Variants in GJA8 observed in about 807,000 individuals in gnomAD.
The protein encoded by GJA8 is gap junction alpha-8 protein.
A neutral mutation model predicts 15.3 loss-of-function variants in GJA8; 13 were observed. The observed-to-expected ratio is 0.85, with a 90% confidence interval of 0.55 to 1.35. GJA8 has a LOEUF of 1.35. Among genes scored for constraint, GJA8 ranks in the 40% most tolerant of loss-of-function variants. GJA8 has a pLI of 0.00. For synonymous variants in GJA8, 304 were observed against 238.7 expected (o/e 1.27, Z -2.52); for missense variants, 607 against 553.3 (o/e 1.10, Z -0.97).
In GJA8 at chr1:147,909,193, C is replaced by T. The variant is rs1450321503; in HGVS notation, c.1238C>T (p.Ala413Val). ...TGTCCAGAGCTGACAACAGATGATG[C>T]CAGACCCCTGAGCAGGCTAAGCAAA... Reference protein sequence around the residue: ...SLCPELTTDDARPLSRLSKAS... With the variant: ...SLCPELTTDDVRPLSRLSKAS... Residue 413 changes from alanine to valine, a missense_variant, in exon 2 of 2, where the codon GCC becomes GTC. Physicochemically the swap from Ala to Val is moderately conservative, Grantham distance 64. Coordinates refer to ENST00000369235, the MANE Select transcript of GJA8 (RefSeq NM_005267.5). 3 of 1,613,440 alleles carry T rather than the reference C, an allele frequency of 1.9e-6. No homozygotes were observed. The highest frequency in any genetic ancestry group is 1.1e-5 in the South Asian group (1 of 91,058).
chr1:147,903,318 G>C (rs782410925), intron 1 of GJA8, among the ~76,000 whole-genome samples: 2 of 152,300 alleles, frequency 1.3e-5, no homozygotes, highest in South Asian at 4.1e-4. Context: ...GCATTTAATG[G>C]AGCACAGGAA....
At chr1:147,903,508 G>A (rs1553241882) in intron 1 of GJA8, among the ~76,000 whole-genome samples, 1 of 152,182 alleles carries the variant, frequency 6.6e-6, no homozygotes, top group Non-Finnish European at 1.5e-5. Context: ...ATGTATATGT[G>A]TTATTCTGCC....
chr1:147,912,596 A>G (rs1652207823), downstream of GJA8, among the ~76,000 whole-genome samples: 1 of 152,164 alleles, frequency 6.6e-6, no homozygotes, highest in African/African-American at 2.4e-5. Context: ...AATAATTATG[A>G]CTGAGTCAGG....
At chr1:147,904,254 C>T (rs1651708855) in intron 1 of GJA8, among the ~76,000 whole-genome samples, 3 of 152,012 alleles carry the variant, frequency 2.0e-5, no homozygotes, top group Admixed American at 2.0e-4. Flanking sequence ...TTTTTATGTC[C>T]TTGTTTGGCA....
chr1:147,908,892 TC>T lies in GJA8; in HGVS notation c.940del (p.Arg314GlyfsTer43). On this transcript the variant is annotated frameshift_variant, in exon 2 of 2. Coordinates refer to ENST00000369235, the MANE Select transcript of GJA8 (RefSeq NM_005267.5). LOFTEE classifies it low-confidence loss of function (END_TRUNC). ...CAGCACAGGACCCCTGGGGGACTTG[TC>T]CCGGGGCTACCAAGAGACACTGCCT... The part of the protein sequence containing the change: ...KISTGPLGDL[S>X]RGYQETLPSY... The T allele has an allele frequency of 6.2e-7, 1 of 1,613,884 alleles. No individual in the cohort carries two copies. The highest frequency in any genetic ancestry group is 8.5e-7 in the Non-Finnish European group (1 of 1,179,836).
At chr1:147,906,280 A>G (rs2149014312) in intron 1 of GJA8, among the ~76,000 whole-genome samples, 1 of 152,302 alleles carries the variant, frequency 6.6e-6, no homozygotes, top group Non-Finnish European at 1.5e-5. Context: ...ATAACTCTAG[A>G]GATGTTCAAG....
chr1:147,905,968 T>C (rs1407670412), intron 1 of GJA8, among the ~76,000 whole-genome samples: 1 of 152,220 alleles, frequency 6.6e-6, no homozygotes, highest in Non-Finnish European at 1.5e-5. Flanking sequence ...GGAGGAGCAC[T>C]CTCTGCTCTC....
chr1:147,913,112 C>G (rs75741309), downstream of GJA8, among the ~76,000 whole-genome samples: 2,362 of 152,156 alleles, frequency 0.016, 55 homozygotes, highest in East Asian at 0.054. Context: ...ATGCCACTTA[C>G]CTGCTCTATG....
In GJA8 at chr1:147,908,434, T is replaced by G; in HGVS notation, c.479T>G (p.Leu160Arg). Reference protein sequence around the residue: ...TYICHIIFKTLFEVGFIVGHY... With the variant: ...TYICHIIFKTRFEVGFIVGHY... ...ATCTGCCACATCATCTTCAAGACCC[T>G]CTTTGAAGTGGGCTTCATCGTGGGC... The change falls in exon 2 of 2, where the codon CTC (leucine) becomes CGC (arginine). Residue 160 changes from leucine (L) to arginine (R), a missense_variant. Physicochemically the swap from Leu to Arg is moderately radical, Grantham distance 102. Coordinates refer to ENST00000369235, the MANE Select transcript of GJA8 (RefSeq NM_005267.5). 1 of 1,614,098 alleles carries G rather than the reference T, an allele frequency of 6.2e-7. No homozygotes were observed. Among genetic ancestry groups the G allele is most frequent in the Non-Finnish European group, 8.5e-7 (1 of 1,179,982 alleles).
chr1:147,914,468 A>G, the GJA8 span, among the ~76,000 whole-genome samples: 1 of 152,290 alleles, frequency 6.6e-6, no homozygotes, highest in Admixed American at 6.5e-5. Flanking sequence ...AAAGCAAATA[A>G]AATTAACTTG....
chr1:147,911,838 G>A (rs142861172), downstream of GJA8, among the ~76,000 whole-genome samples: 3 of 151,704 alleles, frequency 2.0e-5, no homozygotes, highest in African/African-American at 7.2e-5. Context: ...AAATAAAACT[G>A]CTGTTTGGTA....
intron 1 of GJA8, among the ~76,000 whole-genome samples, chr1:147,907,505 C>G (rs1651846923): frequency 1.3e-5 from 2 of 152,060 alleles, no homozygotes; most frequent in Non-Finnish European, 2.9e-5. Context: ...TGTTGGGAGC[C>G]CAGACACCCA....
chr1:147,906,645 C>T (rs199667655), intron 1 of GJA8, among the ~76,000 whole-genome samples: 7 of 152,218 alleles, frequency 4.6e-5, no homozygotes, highest in South Asian at 2.1e-4. Flanking sequence ...TAAAAATATA[C>T]GGCCCTCAAT....
chr1:147,907,244 C>T (rs1422024935), intron 1 of GJA8, among the ~76,000 whole-genome samples: 2 of 152,162 alleles, frequency 1.3e-5, no homozygotes, highest in African/African-American at 4.8e-5. Flanking sequence ...CAAGTTCTCA[C>T]TGTGTGCTGG....
At chr1:147,912,895 TA>T (rs782718322), downstream of GJA8, among the ~76,000 whole-genome samples, 2,860 of 118,956 alleles carry the variant, frequency 0.024, 63 homozygotes, top group African/African-American at 0.061. Context: ...GGGCATTATT[TA>T]AAAAAAAAAA....
rs782777317 is a variant in GJA8 at position 147,908,963 on chromosome 1, G to A, written c.1008G>A (p.Pro336=). The A allele has an allele frequency of 2.5e-6, 4 of 1,602,444 alleles. No individual in the cohort carries two copies. Among genetic ancestry groups the A allele is most frequent in the Non-Finnish European group, 2.6e-6 (3 of 1,173,194 alleles). Residue 336 remains proline, a synonymous_variant, in exon 2 of 2, where the codon CCG becomes CCA. Coordinates refer to ENST00000369235, the MANE Select transcript of GJA8 (RefSeq NM_005267.5). ...CACAAGAAGTGGAGGGCGAGGGGCC[G>A]CCTGCAGAGGAGGGAGCCGAACCCG... ...VGAQEVEGEG[P]PAEEGAEPEV...
Position 147,908,625 on chromosome 1 carries a change from T to G in GJA8, c.670T>G (p.Leu224Val), listed in dbSNP as rs782211254. The G allele has an allele frequency of 6.2e-7, 1 of 1,613,938 alleles. No homozygotes were observed. The highest frequency in any genetic ancestry group is 1.1e-5 in the South Asian group (1 of 91,042). The stretch of plus-strand genomic sequence containing the variant: ...GTCCCTATTCCTCAACGTGATGGAG[T>G]TGGGCCACCTGGGCCTGAAGGGGAT... ...SVSLFLNVME[L>V]GHLGLKGIRS... The change falls in exon 2 of 2, where the codon TTG becomes GTG. Residue 224 changes from leucine (L) to valine (V), a missense_variant. Transcript: ENST00000369235.
rs1651904974 is a variant in GJA8 at position 147,908,413 on chromosome 1, G to T, written c.458G>T (p.Cys153Phe). ...LEGTLLRTYI[C>F]HIIFKTLFEV... ...GGGACCCTGCTGAGGACCTACATCT[G>T]CCACATCATCTTCAAGACCCTCTTT... The change falls in exon 2 of 2, where the codon TGC (cysteine) becomes TTC (phenylalanine). Residue 153 changes from cysteine to phenylalanine, a missense_variant. Cys to Phe is a radical substitution (Grantham distance 205). Transcript: ENST00000369235. The T allele has an allele frequency of 6.2e-7, 1 of 1,614,048 alleles. No homozygotes were observed. The highest frequency in any genetic ancestry group is 1.3e-5 in the African/African-American group (1 of 74,916).
rs782799480 is a variant in GJA8, at chr1:147,908,435, C to T, written c.480C>T (p.Leu160=). 3 of 1,614,206 alleles carry T rather than the reference C, an allele frequency of 1.9e-6. No homozygotes were observed. The highest frequency in any genetic ancestry group is 2.2e-5 in the South Asian group (2 of 91,078). ...TYICHIIFKT[L]FEVGFIVGHY... ...TCTGCCACATCATCTTCAAGACCCT[C>T]TTTGAAGTGGGCTTCATCGTGGGCC... Residue 160 remains leucine, a synonymous_variant, in exon 2 of 2, where the codon CTC becomes CTT. Coordinates refer to ENST00000369235, the MANE Select transcript of GJA8 (RefSeq NM_005267.5).
Sources: allele counts gnomAD v4.1 joint callset (sites outside exome capture counted in the v4.1 genomes callset), GRCh38; gene constraint gnomAD v4.1.1; transcripts MANE v1.5; gene names NCBI Gene and HGNC (gene_info 2026-07-23, HGNC 2026-07-21).